The following NDUFV2 variants were observed in gnomAD, a reference collection of about 807,000 sequenced individuals.
NDUFV2 encodes the protein NADH:ubiquinone oxidoreductase core subunit V2.
A neutral mutation model predicts 31.6 loss-of-function variants in NDUFV2; 18 were observed. The ratio of observed to expected loss-of-function variants is 0.57; its 90% CI spans 0.39 to 0.84. The LOEUF is 0.84. NDUFV2 is among the 40% of genes least tolerant of loss of function. NDUFV2 has a pLI of 0.00. For synonymous variants in NDUFV2, 83 were observed against 99.8 expected (o/e 0.83, Z 1.01); for missense variants, 314 against 303.6 (o/e 1.03, Z -0.26).
In NDUFV2 at chr18:9,124,573, C is replaced by T. The variant is rs1340959303; in HGVS notation, c.470-301C>T. The stretch of plus-strand genomic sequence containing the variant: ...ACGCCACTCTCCTGCCTCAGCCTCC[C>T]GAGTAGGTGGCACTACAGGTGCCCG... On this transcript the variant is annotated intron_variant, in intron 5 of 7. Transcript: ENST00000318388. Among the ~76,000 whole-genome samples, 5 of 151,560 alleles carry T rather than the reference C, an allele frequency of 3.3e-5. No individual in the cohort carries two copies. The East Asian group carries it at 5.8e-4, about 18-fold the overall frequency.
intron 7 of NDUFV2, chr18:9,132,109 A>ATG (rs1367208292): frequency 6.6e-6 from 1 of 152,222 alleles, no homozygotes; most frequent in Non-Finnish European, 1.5e-5. Flanking sequence ...ATACAATGCC[A>ATG]TGGGATTGTA....
At chr18:9,116,474 C>T (rs1455730636) in intron 1 of NDUFV2, among the ~76,000 whole-genome samples, 2 of 152,176 alleles carry the variant, frequency 1.3e-5, no homozygotes, top group African/African-American at 2.4e-5. Flanking sequence ...CAGTGACTGT[C>T]TTCTAAATTT....
chr18:9,103,948 A>G (rs1044285399), intron 1 of NDUFV2: 7 of 507,814 alleles, frequency 1.4e-5, no homozygotes, highest in Non-Finnish European at 2.4e-5. Flanking sequence ...TTTTCCTCAT[A>G]TTACAGATAA....
intron 6 of NDUFV2, 79 bp downstream of exon 6, chr18:9,125,062 T>TA: frequency 6.9e-7 from 1 of 1,444,150 alleles, no homozygotes; most frequent in South Asian, 1.3e-5. Flanking sequence ...TTTGTGTCCT[T>TA]AGATGTTGGT....
chr18:9,122,191 GA>G (rs1258611373), intron 4 of NDUFV2, among the ~76,000 whole-genome samples: 1 of 152,120 alleles, frequency 6.6e-6, no homozygotes, highest in Non-Finnish European at 1.5e-5. Context: ...GATCAAAGTA[GA>G]AATTCTTAAT....
chr18:9,120,340 G>C (rs1213028713), intron 4 of NDUFV2, among the ~76,000 whole-genome samples: 1 of 152,138 alleles, frequency 6.6e-6, no homozygotes, highest in Non-Finnish European at 1.5e-5. Flanking sequence ...TAAGACACCT[G>C]ATTTTTCTCT....
Position 9,122,649 on chromosome 18 carries a change from A to G in NDUFV2, c.437A>G (p.Asp146Gly). 1.2e-6 allele frequency: 2 copies of G among 1,614,024 alleles called. No individual in the cohort carries two copies. The highest frequency in any genetic ancestry group is 1.7e-6 in the Non-Finnish European group (2 of 1,179,920). Residue 146 changes from aspartate to glycine, a missense_variant, in exon 5 of 8, where the codon GAC becomes GGC. Asp to Gly is a moderately conservative substitution (Grantham distance 94). Coordinates refer to ENST00000318388, the MANE Select transcript of NDUFV2 (RefSeq NM_021074.5). ...TTTPCMLRNS[D>G]SILEAIQKKL... is the part of the protein sequence containing the mutation. ...ACACCCTGCATGCTTCGAAACTCTGACAGCATACTGGAGGCCATTCAGAAA... is the reference window on the plus strand; with the variant it reads ...ACACCCTGCATGCTTCGAAACTCTGGCAGCATACTGGAGGCCATTCAGAAA...
At chr18:9,117,460 T>C (rs1409315730) in intron 1 of NDUFV2, 3 of 243,110 alleles carry the variant, frequency 1.2e-5, no homozygotes, top group East Asian at 9.2e-5. Context: ...AACATGTTTA[T>C]GAAGGTTCAC....
intron 4 of NDUFV2, among the ~76,000 whole-genome samples, chr18:9,119,791 A>G (rs1474570969): frequency 1.3e-5 from 2 of 152,038 alleles, no homozygotes; most frequent in Admixed American, 1.3e-4. Flanking sequence ...ACCTTGCAGG[A>G]AATAAGGAAG....
intron 7 of NDUFV2, among the ~76,000 whole-genome samples, chr18:9,130,000 A>G (rs1300706270): frequency 2.0e-5 from 3 of 152,096 alleles, no homozygotes; most frequent in South Asian, 4.1e-4. Flanking sequence ...AATAGAGAAG[A>G]TTTGTGGTAG....
intron 1 of NDUFV2, among the ~76,000 whole-genome samples, chr18:9,116,871 C>T (rs2077900734): frequency 6.6e-6 from 1 of 152,020 alleles, no homozygotes; most frequent in Admixed American, 6.6e-5. Context: ...TTGGAGGAAT[C>T]CAGAACAGTA....
intron 1 of NDUFV2, chr18:9,104,251 A>C (rs774431007): frequency 1.9e-6 from 3 of 1,612,684 alleles, no homozygotes; most frequent in Non-Finnish European, 2.5e-6. Flanking sequence ...AAATGAAATA[A>C]GGGAGAGACA....
intron 1 of NDUFV2, among the ~76,000 whole-genome samples, chr18:9,113,721 C>T: frequency 6.6e-6 from 1 of 152,220 alleles, no homozygotes; most frequent in East Asian, 1.9e-4. Context: ...TATAGAAAAG[C>T]ACTGTGAAAA....
intron 1 of NDUFV2, among the ~76,000 whole-genome samples, chr18:9,111,933 A>AG (rs1334505338): frequency 2.0e-5 from 3 of 151,210 alleles, no homozygotes; most frequent in African/African-American, 7.3e-5. Context: ...AAATGTGTTT[A>AG]TTAGAAATGA....
At chr18:9,104,260 CA>C (rs1568184855) in intron 1 of NDUFV2, 1 of 1,612,532 alleles carries the variant, frequency 6.2e-7, no homozygotes, top group Non-Finnish European at 8.5e-7. Context: ...AAGGGAGAGA[CA>C]GGGGCCAGAT....
intron 7 of NDUFV2, among the ~76,000 whole-genome samples, chr18:9,131,000 G>A (rs2078035407): frequency 2.0e-5 from 3 of 152,330 alleles, no homozygotes; most frequent in South Asian, 2.1e-4. Flanking sequence ...GAAGATCTGT[G>A]TGTAACTTTT....
At chr18:9,110,710 G>A (rs1598342378) in intron 1 of NDUFV2, among the ~76,000 whole-genome samples, 2 of 152,252 alleles carry the variant, frequency 1.3e-5, no homozygotes. Flanking sequence ...GTTTCACCAT[G>A]TTGCCCACGC....
intron 1 of NDUFV2, among the ~76,000 whole-genome samples, chr18:9,116,646 T>C: frequency 6.6e-6 from 1 of 152,256 alleles, no homozygotes; most frequent in East Asian, 1.9e-4. Flanking sequence ...CTTTTCTTGT[T>C]AATTAAAGCA....
chr18:9,110,318 G>A (rs4798771), intron 1 of NDUFV2, among the ~76,000 whole-genome samples: 119,563 of 152,080 alleles, frequency 0.79, 47,216 homozygotes, highest in Middle Eastern at 0.88. Context: ...AGTGTCTGAC[G>A]TAGACATTAC....
Sources: gnomAD v4.1 joint callset for allele counts (sites outside exome capture counted in the v4.1 genomes callset) on GRCh38, gnomAD v4.1.1 for gene constraint, MANE v1.5 for transcripts, NCBI Gene and HGNC (gene_info 2026-07-23, HGNC 2026-07-21) for gene names.